Variants in ARMC8 observed in about 807,000 individuals in gnomAD.
The protein encoded by ARMC8 is armadillo repeat containing 8.
Under a neutral mutation model 99.3 loss-of-function variants are expected in ARMC8, and 20 were observed. The ratio of observed to expected loss-of-function variants is 0.20; its 90% CI spans 0.14 to 0.29. ARMC8 has a LOEUF of 0.29. Among genes scored for constraint, ARMC8 ranks in the 10% least tolerant of loss-of-function variants. ARMC8 has a pLI of 1.00. For synonymous variants in ARMC8, 263 were observed against 278.3 expected, an observed-to-expected ratio of 0.95 and a Z score of 0.55; for missense variants, 569 against 809.5, an observed-to-expected ratio of 0.70 and a Z score of 3.60.
intron 12 of ARMC8, among the ~76,000 whole-genome samples, chr3:138,248,858 A>G (rs992653566): frequency 6.6e-6 from 1 of 152,250 alleles, no homozygotes; most frequent in Non-Finnish European, 1.5e-5. Context: ...TTTTTGATAA[A>G]AGTAAACACA....
intron 12 of ARMC8, among the ~76,000 whole-genome samples, chr3:138,252,435 A>G (rs976980272): frequency 4.7e-5 from 7 of 150,506 alleles, no homozygotes; most frequent in African/African-American, 1.7e-4. Flanking sequence ...CTAATACTGC[A>G]TAGCTAACCA....
intron 15 of ARMC8, among the ~76,000 whole-genome samples, chr3:138,268,220 G>A (rs1458651114): frequency 1.3e-5 from 2 of 152,090 alleles, no homozygotes; most frequent in Non-Finnish European, 2.9e-5. Context: ...TGCAGCCTGG[G>A]CAAAAGAGGG....
At chr3:138,239,690 T>C (rs895294038) in intron 10 of ARMC8, among the ~76,000 whole-genome samples, 162 bp downstream of exon 10, 3 of 152,220 alleles carry the variant, frequency 2.0e-5, no homozygotes, top group Non-Finnish European at 2.9e-5. Flanking sequence ...GGATGTCATA[T>C]AGTTTTTAAA....
chr3:138,255,411 T>C (rs971201660), intron 12 of ARMC8, among the ~76,000 whole-genome samples: 5 of 151,878 alleles, frequency 3.3e-5, no homozygotes, highest in African/African-American at 4.8e-5. Context: ...ACTGTGTTAG[T>C]CAGGACAGTC....
chr3:138,269,657 A>C (rs2048592046), intron 15 of ARMC8, among the ~76,000 whole-genome samples: 4 of 152,158 alleles, frequency 2.6e-5, no homozygotes. Flanking sequence ...TGTACACATA[A>C]AGCAGAAAGT....
intron 14 of ARMC8, among the ~76,000 whole-genome samples, chr3:138,266,876 T>C (rs896359360): frequency 2.0e-5 from 3 of 152,252 alleles, no homozygotes; most frequent in African/African-American, 7.2e-5. Context: ...GCATTTCACA[T>C]AAGAGTATCT....
Position 138,223,654 on chromosome 3 carries a change from T to C in ARMC8, c.356T>C (p.Leu119Pro), listed in dbSNP as rs1299410710. 1.9e-6 allele frequency: 3 copies of C among 1,614,216 alleles called. No individual in the cohort carries two copies. The highest frequency in any genetic ancestry group is 2.7e-5 in the African/African-American group (2 of 75,048). ...ALLQGLLSPDLKFIEACLRCL... is the reference protein window; with the variant it reads ...ALLQGLLSPDPKFIEACLRCL... Reference sequence around the variant, plus strand: ...TTAATAGGACTACTGTCCCCAGACCTGAAGTTTATTGAAGCTTGCCTCCGA... The same window carrying C: ...TTAATAGGACTACTGTCCCCAGACCCGAAGTTTATTGAAGCTTGCCTCCGA... Residue 119 changes from leucine (L) to proline (P), a missense_variant, in exon 5 of 22, where the codon CTG becomes CCG. Leu to Pro is a moderately conservative substitution (Grantham distance 98). Around this residue, in one of 2 missense-constraint regions of ARMC8, gnomAD observed 342 missense variants for 391.6 expected, o/e 0.87. Coordinates refer to ENST00000469044, the MANE Select transcript of ARMC8 (RefSeq NM_001363941.2).
At chr3:138,236,896 T>C (rs1461072237) in intron 7 of ARMC8, among the ~76,000 whole-genome samples, 1 of 152,182 alleles carries the variant, frequency 6.6e-6, no homozygotes, top group Non-Finnish European at 1.5e-5. Flanking sequence ...TCTTAAATTT[T>C]ATTGTAATAT....
chr3:138,262,422 T>C, intron 12 of ARMC8: 1 of 1,183,562 alleles, frequency 8.4e-7, no homozygotes, highest in Non-Finnish European at 1.2e-6. Context: ...TAATAGATGA[T>C]ATTTTCCCTG....
intron 12 of ARMC8, among the ~76,000 whole-genome samples, chr3:138,250,136 A>G (rs1309168906): frequency 6.6e-6 from 1 of 152,178 alleles, no homozygotes; most frequent in Non-Finnish European, 1.5e-5. Flanking sequence ...TGTAGACAGA[A>G]GAAAAAAGGA....
At chr3:138,196,445 A>G (rs188365413) in intron 1 of ARMC8, among the ~76,000 whole-genome samples, 2 of 152,302 alleles carry the variant, frequency 1.3e-5, no homozygotes, top group Non-Finnish European at 2.9e-5. Flanking sequence ...TGAGAATCTC[A>G]ATACCTGCTT....
At chr3:138,281,227 T>A (rs1467187597) in intron 18 of ARMC8, among the ~76,000 whole-genome samples, 1 of 152,062 alleles carries the variant, frequency 6.6e-6, no homozygotes, top group African/African-American at 2.4e-5. Context: ...GGTGTGTGTG[T>A]GTGTGTGTAG....
chr3:138,188,207 C>A (rs1185615420), intron 1 of ARMC8: 1 of 368,128 alleles, frequency 2.7e-6, no homozygotes, highest in Non-Finnish European at 5.0e-6. Flanking sequence ...CCCTTTCCTC[C>A]GCTCTGCTCA....
chr3:138,284,519 A>G lies in ARMC8; in HGVS notation c.1814A>G (p.Tyr605Cys), dbSNP rs2050218666. 1 of 1,609,344 alleles carries G rather than the reference A, an allele frequency of 6.2e-7. No homozygotes were observed. Among genetic ancestry groups the G allele is most frequent in the Non-Finnish European group, 8.5e-7 (1 of 1,175,686 alleles). ...TNDDILQKIK[Y>C]YMGHSHVKLQ... Reference sequence around the variant, plus strand: ...GATGATATCCTACAGAAAATCAAGTATTACATGGTGAGCCCTTGTCCCCTT... The same window carrying G: ...GATGATATCCTACAGAAAATCAAGTGTTACATGGTGAGCCCTTGTCCCCTT... Residue 605 changes from tyrosine (Y) to cysteine (C), a missense_variant, in exon 19 of 22, where the codon TAT (tyrosine) becomes TGT (cysteine). Transcript: ENST00000469044.
At chr3:138,295,059 C>T (rs145888252) in intron 21 of ARMC8, among the ~76,000 whole-genome samples, 16 of 152,092 alleles carry the variant, frequency 1.1e-4, no homozygotes, top group Non-Finnish European at 1.8e-4. Flanking sequence ...CTGCCACACT[C>T]GGCTAATTTT....
chr3:138,197,098 A>T (rs1239628165), intron 1 of ARMC8, among the ~76,000 whole-genome samples: 1 of 152,158 alleles, frequency 6.6e-6, no homozygotes, highest in African/African-American at 2.4e-5. Flanking sequence ...ATCCAAACAA[A>T]CTACAAAGTA....
intron 6 of ARMC8, 84 bp downstream of exon 6, chr3:138,229,094 G>T: frequency 1.4e-6 from 1 of 699,156 alleles, no homozygotes; most frequent in Non-Finnish European, 2.2e-6. Context: ...ACCCTCCCAG[G>T]GGTAGTCATA....
chr3:138,223,843 G>C (rs1395926493), intron 5 of ARMC8, 110 bp downstream of exon 5: 1 of 907,156 alleles, frequency 1.1e-6, no homozygotes, highest in Non-Finnish European at 1.7e-6. Flanking sequence ...AAAAGTCTCA[G>C]TTGGTCATGG....
chr3:138,211,211 C>T (rs2044677444), intron 2 of ARMC8, among the ~76,000 whole-genome samples: 1 of 152,172 alleles, frequency 6.6e-6, no homozygotes, highest in Admixed American at 6.5e-5. Context: ...ATACTCTCCA[C>T]ATATAACCAG....
Sources: allele counts gnomAD v4.1 joint callset (sites outside exome capture counted in the v4.1 genomes callset), GRCh38; gene constraint gnomAD v4.1.1; regional missense constraint gnomAD v4.1.1; transcripts MANE v1.5; gene names NCBI Gene and HGNC (gene_info 2026-07-23, HGNC 2026-07-21).